Variants in LINGO2 observed in about 807,000 individuals in gnomAD.
LINGO2 encodes leucine rich repeat and Ig domain containing 2, also known as leucine-rich repeat and immunoglobulin-like domain-containing nogo receptor-interacting protein 2.
LINGO2 carries 14 observed loss-of-function variants against 30.6 expected under a neutral mutation model. The ratio of observed to expected loss-of-function variants is 0.46; its 90% CI spans 0.30 to 0.72. The LOEUF (loss-of-function observed/expected upper bound fraction) is 0.72. LINGO2 is among the 30% of genes least tolerant of loss of function. The probability of loss-of-function intolerance (pLI) is 0.07; values close to 1 mark genes in which losing one functional copy is unlikely to be tolerated. For missense variants in LINGO2, 729 were observed against 751.7 expected (o/e 0.97, Z 0.35); for synonymous variants, 317 against 288.5 (o/e 1.10, Z -1.00).
chr9:29,060,735 T>A, the LINGO2 span, among the ~76,000 whole-genome samples: 6,271 of 151,730 alleles, frequency 0.041, 197 homozygotes, highest in Admixed American at 0.083. Flanking sequence ...ATTTTAGAAC[T>A]GAAAATACAA....
the LINGO2 span, among the ~76,000 whole-genome samples, chr9:29,136,571 A>G: frequency 6.6e-6 from 1 of 152,076 alleles, no homozygotes; most frequent in East Asian, 1.9e-4. Context: ...ATATTTCTTC[A>G]TCATTGACTC....
intron 4 of LINGO2, among the ~76,000 whole-genome samples, chr9:28,085,569 C>T (rs530856882): frequency 6.6e-6 from 1 of 152,108 alleles, no homozygotes; most frequent in Non-Finnish European, 1.5e-5. Flanking sequence ...GCAAAGTGGA[C>T]CAAATGGACT....
At chr9:27,989,445 CTGTGTG>C (rs5897262) in intron 5 of LINGO2, among the ~76,000 whole-genome samples, 2,723 of 150,462 alleles carry the variant, frequency 0.018, 127 homozygotes, top group East Asian at 0.17. Flanking sequence ...TGAATGCTCT[CTGTGTG>C]TGTGTGTGTG....
chr9:28,356,340 C>A (rs764218235), intron 3 of LINGO2, among the ~76,000 whole-genome samples: 1 of 152,092 alleles, frequency 6.6e-6, no homozygotes, highest in Non-Finnish European at 1.5e-5. Flanking sequence ...GGTTTGTAGA[C>A]CCATACCCAT....
the LINGO2 span, among the ~76,000 whole-genome samples, chr9:28,714,164 A>AATCTATATATATATATAT: frequency 1.7e-3 from 201 of 117,134 alleles, 3 homozygotes; most frequent in African/African-American, 6.4e-3. Context: ...TGCCTCAAAT[A>AATCTATATATATATATAT]ATATATATAT....
chr9:28,719,741 G>A, the LINGO2 span, among the ~76,000 whole-genome samples: 8 of 151,774 alleles, frequency 5.3e-5, no homozygotes, highest in Non-Finnish European at 8.8e-5. Context: ...ATCTAATAAA[G>A]ATTACTCCTC....
intron 2 of LINGO2, among the ~76,000 whole-genome samples, chr9:28,399,452 C>T (rs1822176104): frequency 6.6e-6 from 1 of 151,856 alleles, no homozygotes; most frequent in Non-Finnish European, 1.5e-5. Flanking sequence ...TGTAGATTTA[C>T]ATGTAAATAT....
the LINGO2 span, among the ~76,000 whole-genome samples, chr9:29,055,630 A>G: frequency 6.6e-6 from 1 of 152,058 alleles, no homozygotes; most frequent in Non-Finnish European, 1.5e-5. Context: ...TAAGTTCTTT[A>G]GAGGCAATTT....
chr9:28,495,058 T>C (rs944918003), intron 1 of LINGO2, among the ~76,000 whole-genome samples: 1 of 152,194 alleles, frequency 6.6e-6, no homozygotes, highest in Admixed American at 6.5e-5. Flanking sequence ...CACTTTTTGA[T>C]GGGGTTGTTT....
chr9:28,051,886 C>CA (rs1824691729), intron 4 of LINGO2, among the ~76,000 whole-genome samples: 1 of 152,048 alleles, frequency 6.6e-6, no homozygotes, highest in African/African-American at 2.4e-5. Context: ...GCCAGGGACA[C>CA]AGCACAGTAG....
intron 3 of LINGO2, among the ~76,000 whole-genome samples, chr9:28,344,136 T>C (rs190421351): frequency 6.6e-6 from 1 of 152,238 alleles, no homozygotes; most frequent in Non-Finnish European, 1.5e-5. Context: ...AATTTTAACA[T>C]TATTGGTAAC....
the LINGO2 span, among the ~76,000 whole-genome samples, chr9:28,814,152 C>T: frequency 6.6e-6 from 1 of 152,114 alleles, no homozygotes; most frequent in Non-Finnish European, 1.5e-5. Context: ...AAAAATAGAA[C>T]TGCAGGCCTG....
the LINGO2 span, among the ~76,000 whole-genome samples, chr9:29,144,436 A>T: frequency 1.3e-5 from 2 of 149,336 alleles, no homozygotes; most frequent in Middle Eastern, 3.5e-3. Flanking sequence ...CAAACAGAAC[A>T]TATGGAATCT....
chr9:28,306,777 A>G (rs1824378378), intron 3 of LINGO2, among the ~76,000 whole-genome samples: 2 of 152,106 alleles, frequency 1.3e-5, no homozygotes, highest in Admixed American at 1.3e-4. Context: ...AATACAAACT[A>G]CCATCAGAGA....
At chr9:28,999,293 T>G in the LINGO2 span, among the ~76,000 whole-genome samples, 1 of 152,086 alleles carries the variant, frequency 6.6e-6, no homozygotes, top group African/African-American at 2.4e-5. Flanking sequence ...TTTGTCTAGC[T>G]CTGTCAGACA....
At chr9:28,026,791 C>T (rs1197593339) in intron 4 of LINGO2, among the ~76,000 whole-genome samples, 1 of 152,132 alleles carries the variant, frequency 6.6e-6, no homozygotes, top group Admixed American at 6.6e-5. Flanking sequence ...TCTTGGCTAC[C>T]ATTCTCTGCT....
In LINGO2 at chr9:28,324,745, C is replaced by T. The variant is rs145928983; in HGVS notation, c.-245-29379G>A. On this transcript the variant is annotated intron_variant, in intron 3 of 5. Transcript: ENST00000379992. ...CAGGTCCAGGAATTGGCCACCCCTT[C>T]CCCAGAAAACTCATGAATAAACTAA... Among the ~76,000 whole-genome samples, 376 of 152,234 alleles carry T rather than the reference C, an allele frequency of 2.5e-3. 3 individuals are homozygous for T. The highest frequency in any genetic ancestry group is 0.01 in the Middle Eastern group (3 of 294).
chr9:28,737,930 C>T, the LINGO2 span, among the ~76,000 whole-genome samples: 1 of 152,004 alleles, frequency 6.6e-6, no homozygotes. Context: ...CTTTAATGGA[C>T]AATTGCCGCT....
intron 1 of LINGO2, among the ~76,000 whole-genome samples, chr9:28,481,907 A>T (rs1352823250): frequency 6.6e-6 from 1 of 152,042 alleles, no homozygotes; most frequent in Non-Finnish European, 1.5e-5. Context: ...GTTTACTGAG[A>T]ATGATGATTT....
Sources: gnomAD v4.1 joint callset for allele counts (sites outside exome capture counted in the v4.1 genomes callset) on GRCh38, gnomAD v4.1.1 for gene constraint, MANE v1.5 for transcripts, NCBI Gene and HGNC (gene_info 2026-07-23, HGNC 2026-07-21) for gene names.